The following HYLS1 variants were observed in gnomAD, a reference collection of about 807,000 sequenced individuals.
HYLS1 encodes centriolar and ciliogenesis-associated protein HYLS1.
Under a neutral mutation model 29.4 loss-of-function variants are expected in HYLS1, and 25 were observed. That is an observed-to-expected ratio of 0.85 (90% CI 0.62 to 1.19). The LOEUF is 1.19. Among genes scored for constraint, HYLS1 ranks in the 50% most tolerant of loss-of-function variants. HYLS1 has a pLI of 0.00. For missense variants in HYLS1, 352 were observed against 365.1 expected (o/e 0.96, Z 0.29); for synonymous variants, 128 against 126.7 (o/e 1.01, Z -0.07).
At chr11:125,894,506 A>T (rs1944515584) in intron 2 of HYLS1, among the ~76,000 whole-genome samples, 1 of 152,208 alleles carries the variant, frequency 6.6e-6, no homozygotes, top group Non-Finnish European at 1.5e-5. Flanking sequence ...GATCTATGTA[A>T]GGTAAATGTC....
intron 1 of HYLS1, chr11:125,888,379 C>G (rs895428557): frequency 1.3e-5 from 2 of 152,174 alleles, no homozygotes; most frequent in African/African-American, 2.4e-5. Flanking sequence ...TTTCAGTACC[C>G]CATGCTGCTG....
In HYLS1 at chr11:125,893,912, T is replaced by C. The variant is rs192021619; in HGVS notation, c.-26+2440T>C. ...TTTTGTTTCTTCCTCATGGAATAAA[T>C]GTGGGTGCTCAATTCGTCCCCTACG... is the stretch of plus-strand genomic sequence containing the variant. On this transcript the variant is annotated intron_variant, in intron 2 of 2. Transcript: ENST00000425380. The C allele has an allele frequency of 1.1e-5, 18 of 1,614,172 alleles. No individual in the cohort carries two copies. The East Asian group carries it at 3.8e-4, about 34-fold the overall frequency.
At chr11:125,892,613 G>A (rs536844039) in intron 2 of HYLS1, among the ~76,000 whole-genome samples, 1 of 152,220 alleles carries the variant, frequency 6.6e-6, no homozygotes, top group African/African-American at 2.4e-5. Flanking sequence ...ACTGAGTCCT[G>A]TTGTTTCTAC....
At chr11:125,888,710 A>G (rs1255950303) in intron 1 of HYLS1, among the ~76,000 whole-genome samples, 1 of 149,172 alleles carries the variant, frequency 6.7e-6, no homozygotes, top group Admixed American at 6.8e-5. Flanking sequence ...GAGAGGTTGC[A>G]GTGAGCCGAG....
At chr11:125,897,631 C>A (rs190632264) in intron 2 of HYLS1, among the ~76,000 whole-genome samples, 1 of 151,838 alleles carries the variant, frequency 6.6e-6, no homozygotes, top group Non-Finnish European at 1.5e-5. Context: ...TTTAAATGCT[C>A]AATTTTACTC....
chr11:125,895,672 G>A (rs1363450998), intron 2 of HYLS1: 10 of 1,614,090 alleles, frequency 6.2e-6, no homozygotes, highest in South Asian at 1.1e-5. Flanking sequence ...GGGAGTACCC[G>A]ATTGAGAATG....
Position 125,899,589 on chromosome 11 carries a change from A to G in HYLS1, c.221A>G (p.Glu74Gly). 2 of 1,614,186 alleles carry G rather than the reference A, an allele frequency of 1.2e-6. No individual in the cohort carries two copies. The highest frequency in any genetic ancestry group is 1.1e-5 in the South Asian group (1 of 91,082). The change falls in exon 3 of 3, where the codon GAA becomes GGA. Residue 74 changes from glutamate (E) to glycine (G), a missense_variant. Coordinates refer to ENST00000425380, the MANE Select transcript of HYLS1 (RefSeq NM_001134793.2). ...GTGCAACTACAGTACCCACATGTAG[A>G]AAGTAATGTCCCTTCAGAAACAGTC... ...LPVQLQYPHV[E>G]SNVPSETVSE...
intron 1 of HYLS1, chr11:125,888,196 C>T (rs961477464): frequency 6.6e-6 from 1 of 152,286 alleles, no homozygotes; most frequent in Non-Finnish European, 1.5e-5. Context: ...CGTTGAAAGG[C>T]GGAGCGTGTC....
intron 2 of HYLS1, chr11:125,896,281 C>A (rs768861384): frequency 1.2e-6 from 2 of 1,603,584 alleles, no homozygotes; most frequent in Non-Finnish European, 1.7e-6. Context: ...TCATTATAAG[C>A]CATGATATGA....
At chr11:125,895,584 T>C (rs1944557606) in intron 2 of HYLS1, 1 of 1,614,166 alleles carries the variant, frequency 6.2e-7, no homozygotes. Flanking sequence ...AAAATAGCGG[T>C]AAGTCCGCTC....
In HYLS1 at chr11:125,895,832, A is replaced by G. The variant is rs376238936; in HGVS notation, c.-25-3512A>G. The G allele has an allele frequency of 2.5e-6, 4 of 1,580,598 alleles. No homozygotes were observed. The African/African-American group carries it at 5.4e-5, about 21-fold the overall frequency. ...GATACTGGGTTTTAGAGACACAAAT[A>G]ATCTCAGTACTCAGTGTGTATACCT... On this transcript the variant is annotated intron_variant, in intron 2 of 2. Transcript: ENST00000425380.
chr11:125,885,713 C>A (rs1480398002), upstream of HYLS1, among the ~76,000 whole-genome samples: 1 of 152,256 alleles, frequency 6.6e-6, no homozygotes, highest in African/African-American at 2.4e-5. Context: ...AGGAACCAGG[C>A]CGCAAGGCAG....
chr11:125,888,339 A>G (rs533049102), intron 1 of HYLS1: 3 of 152,396 alleles, frequency 2.0e-5, no homozygotes, highest in Non-Finnish European at 4.4e-5. Flanking sequence ...AAAGAAAAAC[A>G]TTAAGATATC....
intron 2 of HYLS1, among the ~76,000 whole-genome samples, chr11:125,892,137 T>C (rs1443434440): frequency 6.6e-6 from 1 of 152,188 alleles, no homozygotes; most frequent in Non-Finnish European, 1.5e-5. Context: ...GTAAAATCTT[T>C]CAAGGTTGAC....
chr11:125,889,775 C>G (rs1375367933), intron 1 of HYLS1, among the ~76,000 whole-genome samples: 1 of 152,060 alleles, frequency 6.6e-6, no homozygotes, highest in Non-Finnish European at 1.5e-5. Flanking sequence ...AAACTGCCCT[C>G]TGGAAAAACG....
In HYLS1 at chr11:125,899,532, CAGT is replaced by C. The variant is rs774246149; in HGVS notation, c.167_169del (p.Val56del). On this transcript the variant is annotated inframe_deletion, in exon 3 of 3. Transcript: ENST00000425380. The stretch of plus-strand genomic sequence containing the variant: ...CAATATGATCCCTACAGTAAAGCTT[CAGT>C]AGCCCCAGGGAAGCGACCTGCTCTT... 1.2e-5 allele frequency: 19 copies of C among 1,614,036 alleles called. No individual in the cohort carries two copies. The highest frequency in any genetic ancestry group is 1.5e-5 in the Non-Finnish European group (18 of 1,180,032).
chr11:125,900,376 G>T lies in HYLS1; in HGVS notation c.*108G>T, dbSNP rs1239117563. On this transcript the variant is annotated 3_prime_UTR_variant, in exon 3 of 3. Transcript: ENST00000425380. The stretch of plus-strand genomic sequence containing the variant: ...GAGAAGCTCTTCGAAACATTTTATG[G>T]TAAGGACTTCACCTATCATTGGTCT... The T allele has an allele frequency of 1.4e-5, 15 of 1,043,104 alleles. No individual in the cohort carries two copies. In the East Asian group the frequency reaches 3.7e-4, roughly 26 times the overall value. The allele number at this position is 1,043,104 out of a possible 1,614,324, so 64.6% of individuals were successfully genotyped here.
chr11:125,885,465 AAAAAAG>A (rs1944290379), upstream of HYLS1, among the ~76,000 whole-genome samples: 1 of 152,314 alleles, frequency 6.6e-6, no homozygotes, highest in South Asian at 2.1e-4. Context: ...AAAATTAAAA[AAAAAAG>A]AAAAAGAAAC....
upstream of HYLS1, among the ~76,000 whole-genome samples, chr11:125,884,534 G>A (rs568691179): frequency 5.5e-4 from 84 of 152,344 alleles, no homozygotes; most frequent in South Asian, 0.013. Context: ...GCATGAACCC[G>A]GGAGGTGGAG....
Sources: gnomAD v4.1 joint callset for allele counts (sites outside exome capture counted in the v4.1 genomes callset) on GRCh38, gnomAD v4.1.1 for gene constraint, MANE v1.5 for transcripts, NCBI Gene and HGNC (gene_info 2026-07-23, HGNC 2026-07-21) for gene names.